The following CHL1 variants were observed in gnomAD, a reference collection of about 807,000 sequenced individuals.
The protein encoded by CHL1 is cell adhesion molecule L1 like, also known as neural cell adhesion molecule L1-like protein.
CHL1 carries 96 observed loss-of-function variants against 141.9 expected under a neutral mutation model. The observed-to-expected ratio is 0.68, with a 90% CI of 0.57 to 0.80. CHL1 has a LOEUF of 0.80. Among genes scored for constraint, CHL1 ranks in the 30% least tolerant of loss-of-function variants. The pLI, the probability that CHL1 is intolerant of heterozygous loss-of-function variation, is 0.00. For synonymous variants in CHL1, 613 were observed against 502.2 expected (o/e 1.22, Z -2.95); for missense variants, 1,820 against 1,457.2 (o/e 1.25, Z -4.05).
intron 2 of CHL1, among the ~76,000 whole-genome samples, chr3:307,194 C>G (rs114128870): frequency 1.2e-3 from 185 of 152,262 alleles, no homozygotes; most frequent in African/African-American, 3.9e-3. Flanking sequence ...CTCTTATAAC[C>G]TAGCTACCAG....
intron 15 of CHL1, among the ~76,000 whole-genome samples, chr3:368,560 A>T (rs951820955): frequency 6.6e-6 from 1 of 152,094 alleles, no homozygotes; most frequent in African/African-American, 2.4e-5. Flanking sequence ...CGCTCTGATG[A>T]TAGTTTCTTT....
intron 2 of CHL1, among the ~76,000 whole-genome samples, chr3:251,129 G>C (rs1693657877): frequency 1.3e-5 from 2 of 151,896 alleles, no homozygotes; most frequent in South Asian, 4.1e-4. Flanking sequence ...AGCAACAAAT[G>C]CCTGATCAGA....
At chr3:230,300 T>C (rs1189767636) in intron 1 of CHL1, among the ~76,000 whole-genome samples, 2 of 152,164 alleles carry the variant, frequency 1.3e-5, no homozygotes, top group African/African-American at 4.8e-5. Flanking sequence ...GTCATTCACA[T>C]TAAACAGGAA....
intron 15 of CHL1, among the ~76,000 whole-genome samples, chr3:370,915 G>T (rs1388574002): frequency 6.6e-6 from 1 of 152,186 alleles, no homozygotes; most frequent in Non-Finnish European, 1.5e-5. Flanking sequence ...GTGTGGTTTT[G>T]CGTGAGTTTC....
At chr3:259,611 C>T (rs1317561049) in intron 2 of CHL1, among the ~76,000 whole-genome samples, 2 of 152,008 alleles carry the variant, frequency 1.3e-5, no homozygotes, top group Non-Finnish European at 2.9e-5. Context: ...TTGCTATCTG[C>T]TTTACCCTGC....
intron 15 of CHL1, among the ~76,000 whole-genome samples, chr3:372,958 A>G (rs1027726734): frequency 6.6e-6 from 1 of 152,156 alleles, no homozygotes; most frequent in Non-Finnish European, 1.5e-5. Flanking sequence ...GCTGGAGAAC[A>G]GCCAAGATGG....
chr3:372,488 A>G (rs943148368), intron 15 of CHL1, among the ~76,000 whole-genome samples: 4 of 152,078 alleles, frequency 2.6e-5, no homozygotes, highest in Non-Finnish European at 5.9e-5. Flanking sequence ...TGAAATGGTT[A>G]TTCTAGTTAG....
In CHL1 at chr3:341,926, G is replaced by A. The variant is rs754718767; in HGVS notation, c.523G>A (p.Glu175Lys). The A allele has an allele frequency of 9.3e-6, 15 of 1,605,272 alleles. No homozygotes were observed. Among genetic ancestry groups the A allele is most frequent in the East Asian group, 6.7e-5 (3 of 44,640 alleles). The change falls in exon 7 of 28, where the codon GAA becomes AAA. Residue 175 changes from glutamate to lysine, a missense_variant. Coordinates refer to ENST00000256509, the MANE Select transcript of CHL1 (RefSeq NM_006614.4). ...YWMNIELEHI[E>K]QDERVYMSQK... Reference sequence around the variant, plus strand: ...TCTCTTTTCAGAATTAGAACACATCGAACAAGATGAAAGAGTATACATGAG... The same window carrying A: ...TCTCTTTTCAGAATTAGAACACATCAAACAAGATGAAAGAGTATACATGAG...
chr3:252,392 A>ATATATG (rs1553596176), intron 2 of CHL1, among the ~76,000 whole-genome samples: 45 of 136,298 alleles, frequency 3.3e-4, no homozygotes, highest in African/African-American at 1.2e-3. Flanking sequence ...ATATATATAT[A>ATATATG]TATATATATT....
chr3:403,885 C>G (rs919439022), intron 27 of CHL1, among the ~76,000 whole-genome samples: 2 of 152,178 alleles, frequency 1.3e-5, no homozygotes, highest in African/African-American at 4.8e-5. Flanking sequence ...ATAATCATCC[C>G]TTTTGTTATT....
chr3:314,171 C>G (rs936434787), intron 2 of CHL1, among the ~76,000 whole-genome samples: 5 of 151,422 alleles, frequency 3.3e-5, no homozygotes, highest in Non-Finnish European at 5.9e-5. Flanking sequence ...CTCCTTACTG[C>G]TGTTGAAATA....
At chr3:348,667 C>A (rs950185212) in intron 9 of CHL1, among the ~76,000 whole-genome samples, 9 of 152,164 alleles carry the variant, frequency 5.9e-5, no homozygotes, top group African/African-American at 1.7e-4. Context: ...CTTTACTTTC[C>A]TGTTTGTTTT....
At chr3:290,444 T>C (rs1327104874) in intron 2 of CHL1, among the ~76,000 whole-genome samples, 1 of 152,192 alleles carries the variant, frequency 6.6e-6, no homozygotes, top group Non-Finnish European at 1.5e-5. Context: ...ATTTATATTC[T>C]AGGTTAGAAA....
chr3:248,538 T>C (rs1424530127), intron 2 of CHL1: 1 of 152,100 alleles, frequency 6.6e-6, no homozygotes, highest in Non-Finnish European at 1.5e-5. Flanking sequence ...AGTTTGGACA[T>C]ATCCGAGGAC....
At chr3:206,238 C>T (rs1456392305) in intron 1 of CHL1, among the ~76,000 whole-genome samples, 11 of 151,910 alleles carry the variant, frequency 7.2e-5, no homozygotes, top group African/African-American at 2.2e-4. Flanking sequence ...GAGGCTGAGA[C>T]GGGTGGATCA....
At chr3:322,718 C>A (rs1023754707) in intron 3 of CHL1, among the ~76,000 whole-genome samples, 2 of 142,178 alleles carry the variant, frequency 1.4e-5, no homozygotes, top group African/African-American at 5.3e-5. Context: ...GTGGCTTATA[C>A]CTGTAGTCCT....
intron 2 of CHL1, among the ~76,000 whole-genome samples, chr3:317,969 A>G (rs1041009546): frequency 1.3e-4 from 19 of 151,936 alleles, no homozygotes; most frequent in African/African-American, 4.1e-4. Context: ...TCATTAGAAA[A>G]TATTCTGAAG....
chr3:209,823 CTAA>C (rs1699753569), intron 1 of CHL1, among the ~76,000 whole-genome samples: 1 of 152,186 alleles, frequency 6.6e-6, no homozygotes, highest in African/African-American at 2.4e-5. Flanking sequence ...AAGCAATGCA[CTAA>C]TAATGATCCA....
chr3:286,711 A>G (rs1449439854), intron 2 of CHL1, among the ~76,000 whole-genome samples: 1 of 152,054 alleles, frequency 6.6e-6, no homozygotes, highest in African/African-American at 2.4e-5. Context: ...GCTTATACTT[A>G]TTGTTACTTA....
Sources: gnomAD v4.1 joint callset for allele counts (sites outside exome capture counted in the v4.1 genomes callset) on GRCh38, gnomAD v4.1.1 for gene constraint, MANE v1.5 for transcripts, NCBI Gene and HGNC (gene_info 2026-07-23, HGNC 2026-07-21) for gene names.